The following AMOTL1 variants were observed in gnomAD, a reference collection of about 807,000 sequenced individuals.
AMOTL1 encodes the protein angiomotin like 1.
AMOTL1 carries 45 observed loss-of-function variants against 102.9 expected under a neutral mutation model. The observed-to-expected ratio is 0.44, with a 90% CI of 0.34 to 0.56. AMOTL1 has a LOEUF of 0.56. Ranked by LOEUF, AMOTL1 falls within the 20% of genes least tolerant of loss-of-function variation. AMOTL1 has a pLI of 0.01. For synonymous variants in AMOTL1, 481 were observed against 484.7 expected (o/e 0.99, Z 0.10); for missense variants, 1,114 against 1,225.6 (o/e 0.91, Z 1.36).
intron 1 of AMOTL1, among the ~76,000 whole-genome samples, chr11:94,791,388 C>G (rs561285060): frequency 1.3e-5 from 2 of 152,342 alleles, no homozygotes; most frequent in East Asian, 1.9e-4. Context: ...GAGCTGACTC[C>G]TTTACTCAGA....
At chr11:94,719,211 TA>T in intron 1 of AMOTL1, among the ~76,000 whole-genome samples, 1 of 152,114 alleles carries the variant, frequency 6.6e-6, no homozygotes, top group South Asian at 2.1e-4. Context: ...TATTCTGTGC[TA>T]CCAAATAATT....
chr11:94,825,399 G>A (rs1671296929), intron 4 of AMOTL1, among the ~76,000 whole-genome samples: 1 of 152,188 alleles, frequency 6.6e-6, no homozygotes, highest in Non-Finnish European at 1.5e-5. Flanking sequence ...ACCAGTATCT[G>A]GAGCTTGGAA....
At chr11:94,840,682 A>ATG (rs1952282964) in intron 6 of AMOTL1, among the ~76,000 whole-genome samples, 2 of 87,180 alleles carry the variant, frequency 2.3e-5, no homozygotes, top group African/African-American at 8.6e-5. Context: ...ATATATATAT[A>ATG]CACACACACA....
intron 3 of AMOTL1, among the ~76,000 whole-genome samples, chr11:94,804,665 G>A (rs1395583583): frequency 6.6e-6 from 1 of 152,176 alleles, no homozygotes; most frequent in Non-Finnish European, 1.5e-5. Context: ...AGTATGTTTT[G>A]CTATTTAGAC....
At chr11:94,797,383 G>A (rs1045605779) in intron 2 of AMOTL1, among the ~76,000 whole-genome samples, 11 of 152,314 alleles carry the variant, frequency 7.2e-5, no homozygotes, top group African/African-American at 2.4e-4. Flanking sequence ...ATTTCATGGA[G>A]CTCATGTAGG....
chr11:94,781,042 A>G (rs1465609608), intron 1 of AMOTL1, among the ~76,000 whole-genome samples: 1 of 152,124 alleles, frequency 6.6e-6, no homozygotes, highest in Admixed American at 6.6e-5. Context: ...CCCTTTGTCC[A>G]GGATCACCTG....
chr11:94,866,316 A>G, intron 11 of AMOTL1, 148 bp downstream of exon 11: 1 of 743,500 alleles, frequency 1.3e-6, no homozygotes, highest in Non-Finnish European at 2.2e-6. Context: ...GTCATACTTC[A>G]GTTATAGATA....
At chr11:94,804,773 C>T (rs750644762) in intron 3 of AMOTL1, among the ~76,000 whole-genome samples, 4 of 152,104 alleles carry the variant, frequency 2.6e-5, no homozygotes, top group Non-Finnish European at 5.9e-5. Flanking sequence ...TTTTCTAACA[C>T]TTGCTCTCAT....
chr11:94,834,492 T>C (rs1952132990), intron 6 of AMOTL1, among the ~76,000 whole-genome samples: 2 of 151,962 alleles, frequency 1.3e-5, no homozygotes, highest in Non-Finnish European at 2.9e-5. Flanking sequence ...GGTGGGGCGC[T>C]GAGGCAGAAG....
intron 9 of AMOTL1, among the ~76,000 whole-genome samples, chr11:94,862,798 G>T (rs1005368668): frequency 6.6e-6 from 1 of 152,138 alleles, no homozygotes; most frequent in Non-Finnish European, 1.5e-5. Context: ...TGATGATTTT[G>T]TGCACCATAG....
In AMOTL1 at chr11:94,876,209, T is replaced by A. The variant is rs766222481; in HGVS notation, c.*5414T>A. On this transcript the variant is annotated 3_prime_UTR_variant, in exon 13 of 13. Coordinates refer to ENST00000433060, the MANE Select transcript of AMOTL1 (RefSeq NM_130847.3). ...CAAATATATCCACATTGGTTTTATT[T>A]GAATCAAGGTGTTTTTTTGTTTTTT... The A allele has an allele frequency of 2.6e-5, 4 of 152,684 alleles. No individual in the cohort carries two copies. The highest frequency in any genetic ancestry group is 5.9e-5 in the Non-Finnish European group (4 of 68,046). 9.5% of individuals were successfully genotyped at this position (152,684 alleles called of 1,614,324 possible).
chr11:94,794,156 A>G (rs1228598377), intron 1 of AMOTL1, among the ~76,000 whole-genome samples: 1 of 152,236 alleles, frequency 6.6e-6, no homozygotes, highest in Non-Finnish European at 1.5e-5. Context: ...CAAGGATGTT[A>G]ATTTTTAAAA....
At chr11:94,770,087 G>A (rs1328315547) in intron 1 of AMOTL1, among the ~76,000 whole-genome samples, 1 of 152,102 alleles carries the variant, frequency 6.6e-6, no homozygotes, top group Non-Finnish European at 1.5e-5. Context: ...ACTGGCCTAT[G>A]GGTCACTGCC....
At chr11:94,769,191 T>C (rs868317177) in intron 1 of AMOTL1, among the ~76,000 whole-genome samples, 1 of 152,230 alleles carries the variant, frequency 6.6e-6, no homozygotes, top group Admixed American at 6.5e-5. Flanking sequence ...CCCGCTTGCC[T>C]GTTAGGGCTG....
At chr11:94,734,994 C>CAA (rs1950416882) in intron 2 of AMOTL1, among the ~76,000 whole-genome samples, 1 of 152,202 alleles carries the variant, frequency 6.6e-6, no homozygotes, top group Non-Finnish European at 1.5e-5. Context: ...AGTTTCTCCC[C>CAA]ATGTGGCATT....
chr11:94,817,427 A>G (rs1119802), intron 3 of AMOTL1, among the ~76,000 whole-genome samples: 1 of 151,966 alleles, frequency 6.6e-6, no homozygotes, highest in Admixed American at 6.6e-5. Context: ...ATTTGATGTA[A>G]TAAAATCATA....
chr11:94,815,514 A>C (rs750918246), intron 3 of AMOTL1, among the ~76,000 whole-genome samples: 3 of 152,154 alleles, frequency 2.0e-5, no homozygotes, highest in Non-Finnish European at 4.4e-5. Context: ...CCTATAAATA[A>C]ACTTATCATA....
intron 7 of AMOTL1, among the ~76,000 whole-genome samples, chr11:94,852,797 T>G (rs533049193): frequency 4.6e-5 from 7 of 152,262 alleles, no homozygotes; most frequent in African/African-American, 1.7e-4. Context: ...ACAAAGTTAC[T>G]CCATAGATAA....
chr11:94,837,575 A>G (rs1409065402), intron 6 of AMOTL1, among the ~76,000 whole-genome samples: 1 of 152,230 alleles, frequency 6.6e-6, no homozygotes, highest in Non-Finnish European at 1.5e-5. Flanking sequence ...GAGAAACTTC[A>G]GACCTACATG....
Sources: gnomAD v4.1 joint callset for allele counts (sites outside exome capture counted in the v4.1 genomes callset) on GRCh38, gnomAD v4.1.1 for gene constraint, MANE v1.5 for transcripts, NCBI Gene and HGNC (gene_info 2026-07-23, HGNC 2026-07-21) for gene names.